HCLS1: variants seen among roughly 807,000 people sequenced by gnomAD.
HCLS1 encodes hematopoietic cell-specific Lyn substrate 1, also known as hematopoietic lineage cell-specific protein.
A neutral mutation model predicts 68.6 loss-of-function variants in HCLS1; 44 were observed. The observed-to-expected ratio is 0.64, with a 90% confidence interval of 0.50 to 0.82. The LOEUF (loss-of-function observed/expected upper bound fraction) is 0.82. HCLS1 is among the 40% of genes least tolerant of loss of function. The pLI is 0.00. For missense variants in HCLS1, 602 were observed against 612.1 expected (o/e 0.98, Z 0.17); for synonymous variants, 217 against 225.8 (o/e 0.96, Z 0.35).
At chr3:121,650,860 A>T (rs1937734380) in intron 3 of HCLS1, among the ~76,000 whole-genome samples, 1 of 152,212 alleles carries the variant, frequency 6.6e-6, no homozygotes, top group Non-Finnish European at 1.5e-5. Flanking sequence ...AAAAGTGGCC[A>T]GGTGTGGTGG....
At chr3:121,640,254 A>G (rs879398276) in intron 6 of HCLS1, among the ~76,000 whole-genome samples, 3 of 152,124 alleles carry the variant, frequency 2.0e-5, no homozygotes, top group Non-Finnish European at 2.9e-5. Context: ...ATAATAATAA[A>G]GGAAAAAAAA....
At chr3:121,655,218 G>T (rs1258807955) in intron 3 of HCLS1, among the ~76,000 whole-genome samples, 1 of 152,188 alleles carries the variant, frequency 6.6e-6, no homozygotes, top group East Asian at 1.9e-4. Flanking sequence ...CAATCCAACA[G>T]TCCAGGTAGA....
At chr3:121,659,466 A>T in intron 1 of HCLS1, among the ~76,000 whole-genome samples, 1 of 150,774 alleles carries the variant, frequency 6.6e-6, no homozygotes, top group Non-Finnish European at 1.5e-5. Flanking sequence ...CTTTACAACC[A>T]CTCCTCGGGT....
intron 6 of HCLS1, among the ~76,000 whole-genome samples, chr3:121,642,079 C>CA (rs1167544123): frequency 0.36 from 22,976 of 64,262 alleles, 4,296 homozygotes; most frequent in East Asian, 0.54. Flanking sequence ...GACTCCGTCG[C>CA]AAAAAAAAAA....
In HCLS1 at chr3:121,632,559, T is replaced by C; in HGVS notation, c.1013A>G (p.Asn338Ser). 1 of 1,611,612 alleles carries C rather than the reference T, an allele frequency of 6.2e-7. No homozygotes were observed. Among genetic ancestry groups the C allele is most frequent in the Non-Finnish European group, 8.5e-7 (1 of 1,179,740 alleles). ...LPIRQTLPED[N>S]EEPPALPPRT... Reference sequence around the variant, plus strand: ...AGGGGGCAGAGCTGGGGGCTCCTCATTGTCCTGAGAAGAGACAGTGTGGAG... The same window carrying C: ...AGGGGGCAGAGCTGGGGGCTCCTCACTGTCCTGAGAAGAGACAGTGTGGAG... Residue 338 changes from asparagine to serine, a missense_variant, in exon 12 of 14, where the codon AAT becomes AGT. Physicochemically the swap from Asn to Ser is conservative, Grantham distance 46 (BLOSUM62 1). Coordinates refer to ENST00000314583, the MANE Select transcript of HCLS1 (RefSeq NM_005335.6).
chr3:121,636,009 G>A (rs1194780199), intron 8 of HCLS1, among the ~76,000 whole-genome samples: 1 of 152,194 alleles, frequency 6.6e-6, no homozygotes. Flanking sequence ...CCCCCTTTCA[G>A]CAGCTCAGTG....
chr3:121,655,462 C>CTTTTTTTTTTTTTTTTTTTTTT (rs1181452367), intron 3 of HCLS1: 2 of 50,066 alleles, frequency 4.0e-5, no homozygotes, highest in Non-Finnish European at 7.5e-5. Flanking sequence ...GTTGCTTGCT[C>CTTTTTTTTTTTTTTTTTTTTTT]TTTTTTTTTT....
intron 1 of HCLS1, among the ~76,000 whole-genome samples, chr3:121,659,509 C>T (rs919473401): frequency 2.6e-4 from 39 of 152,190 alleles, no homozygotes; most frequent in African/African-American, 9.2e-4. Context: ...TCAGATTCTC[C>T]AGTTTTCTAT....
intron 1 of HCLS1, among the ~76,000 whole-genome samples, chr3:121,660,544 G>A (rs1937969106): frequency 6.6e-6 from 1 of 152,188 alleles, no homozygotes; most frequent in African/African-American, 2.4e-5. Flanking sequence ...GCCTTAGAGT[G>A]GGTTGTAGAT....
At position 121,636,467 on chromosome 3, in the gene HCLS1, G is replaced by A. The variant is rs761858013; in HGVS notation, c.588C>T (p.Gly196=). The A allele has an allele frequency of 4.3e-6, 7 of 1,613,606 alleles. No homozygotes were observed. Among genetic ancestry groups the A allele is most frequent in the Non-Finnish European group, 5.9e-6 (7 of 1,179,652 alleles). Residue 196 remains glycine (G), a synonymous_variant, in exon 8 of 14, where the codon GGC becomes GGT. Transcript: ENST00000314583. ...SQRDYAKGFG[G]QYGIQKDRVD... is the part of the protein sequence containing the mutation. ...CTCGGTCCTTCTGGATTCCATACTG[G>A]CCACCAAAGCCCTTGGCATAATCTG...
At chr3:121,655,462 C>CTTTTTTTTTTTTTTTTTTTTTTT (rs1181452367) in intron 3 of HCLS1, 1 of 50,066 alleles carries the variant, frequency 2.0e-5, no homozygotes, top group Non-Finnish European at 3.8e-5. Context: ...GTTGCTTGCT[C>CTTTTTTTTTTTTTTTTTTTTTTT]TTTTTTTTTT....
At chr3:121,655,249 G>A (rs1384683636) in intron 3 of HCLS1, among the ~76,000 whole-genome samples, 1 of 152,040 alleles carries the variant, frequency 6.6e-6, no homozygotes, top group Non-Finnish European at 1.5e-5. Flanking sequence ...GAGAAAAAAG[G>A]GCTGTTGTCT....
intron 5 of HCLS1, 121 bp downstream of exon 5, chr3:121,644,697 T>A (rs2049229054): frequency 3.7e-6 from 3 of 801,238 alleles, no homozygotes; most frequent in Non-Finnish European, 4.5e-6. Context: ...CGGTGTCAGG[T>A]CCTCACAGCA....
In HCLS1 at chr3:121,632,356, A is replaced by G. The variant is rs746880601; in HGVS notation, c.1216T>C (p.Ser406Pro). 9.9e-6 allele frequency: 16 copies of G among 1,613,976 alleles called. No homozygotes were observed. The highest frequency in any genetic ancestry group is 5.3e-5 in the African/African-American group (4 of 74,890). Residue 406 changes from serine to proline, a missense_variant, in exon 12 of 14, where the codon TCT becomes CCT. Physicochemically the swap from Ser to Pro is moderately conservative, Grantham distance 74 (BLOSUM62 -1). Coordinates refer to ENST00000314583, the MANE Select transcript of HCLS1 (RefSeq NM_005335.6). The part of the protein sequence containing the change: ...DYEEVLEPED[S>P]SFSSALAGSS... ...CCAGCCAGAGCAGAAGAAAAAGAAGAATCTTCAGGCTCGAGCACCTCCTCA... is the reference window on the plus strand; with the variant it reads ...CCAGCCAGAGCAGAAGAAAAAGAAGGATCTTCAGGCTCGAGCACCTCCTCA...
In HCLS1 at chr3:121,631,730, G is replaced by A; in HGVS notation, c.*116C>T. 8.9e-7 allele frequency: 1 copy of A among 1,117,742 alleles called. No individual in the cohort carries two copies. Among genetic ancestry groups the A allele is most frequent in the Non-Finnish European group, 1.3e-6 (1 of 773,762 alleles). The allele number at this position is 1,117,742 out of a possible 1,614,324, so 69.2% of individuals were successfully genotyped here. A position where few individuals can be genotyped will look rare whatever the true frequency, so the allele number is the denominator to read the frequency against. ...CCAAGCCCTTAATGAAGCAGGAGAGGGAAGTCTGTCCAGAACCTCATCTGG... is the reference window on the plus strand; with the variant it reads ...CCAAGCCCTTAATGAAGCAGGAGAGAGAAGTCTGTCCAGAACCTCATCTGG... On this transcript the variant is annotated 3_prime_UTR_variant, in exon 14 of 14. Coordinates refer to ENST00000314583, the MANE Select transcript of HCLS1 (RefSeq NM_005335.6).
intron 3 of HCLS1, among the ~76,000 whole-genome samples, chr3:121,651,298 G>A (rs1421739360): frequency 3.9e-5 from 6 of 152,112 alleles, no homozygotes; most frequent in Admixed American, 1.3e-4. Context: ...AGAAAAAGAT[G>A]TGAACAGATA....
intron 3 of HCLS1, among the ~76,000 whole-genome samples, chr3:121,655,254 T>C (rs1471162588): frequency 2.0e-5 from 3 of 152,118 alleles, no homozygotes; most frequent in Non-Finnish European, 2.9e-5. Context: ...AAAAGGGCTG[T>C]TGTCTGTTTA....
intron 3 of HCLS1, among the ~76,000 whole-genome samples, chr3:121,651,858 C>T (rs1411920358): frequency 2.0e-5 from 3 of 152,208 alleles, no homozygotes; most frequent in Non-Finnish European, 2.9e-5. Context: ...TTAACATACA[C>T]TTATTATATG....
chr3:121,640,005 T>C (rs1328873820), intron 6 of HCLS1, among the ~76,000 whole-genome samples: 2 of 151,868 alleles, frequency 1.3e-5, no homozygotes, highest in African/African-American at 2.4e-5. Context: ...AGTAATAAAA[T>C]TGATAAACTT....
Sources: allele counts gnomAD v4.1 joint callset (sites outside exome capture counted in the v4.1 genomes callset), GRCh38; gene constraint gnomAD v4.1.1; transcripts MANE v1.5; gene names NCBI Gene and HGNC (gene_info 2026-07-23, HGNC 2026-07-21).